GRXCR2: variants seen among roughly 807,000 people sequenced by gnomAD.
GRXCR2 encodes glutaredoxin domain-containing cysteine-rich protein 2.
A neutral mutation model predicts 24.8 loss-of-function variants in GRXCR2; 23 were observed. The observed-to-expected ratio is 0.93, with a 90% CI of 0.67 to 1.32. GRXCR2 has a LOEUF of 1.32. Ranked by LOEUF, GRXCR2 falls within the 40% of genes most tolerant of loss-of-function variation. The pLI is 0.00. For missense variants in GRXCR2, 315 were observed against 303.4 expected (o/e 1.04, Z -0.28); for synonymous variants, 130 against 116.1 (o/e 1.12, Z -0.77).
At chr5:145,901,551 G>A (rs1287062766) in intron 2 of GRXCR2, among the ~76,000 whole-genome samples, 1 of 152,162 alleles carries the variant, frequency 6.6e-6, no homozygotes, top group Non-Finnish European at 1.5e-5. Flanking sequence ...TATTCTAGTG[G>A]AGGGAAACAC....
At position 145,927,847 on chromosome 5, in the gene GRXCR2, C is replaced by G. The variant is rs11167919; in HGVS notation, c.-70+7854G>C. Among the ~76,000 whole-genome samples the G allele has an allele frequency of 8.6e-5, 13 of 151,788 alleles. 1 individual carries two copies. The South Asian group carries it at 1.0e-3, about 12-fold the overall frequency. ...CATTCAGGACATAGGCATGGGGAAG[C>G]ACTTCATGTCTAAAACACCAAAAGC... On this transcript the variant is annotated intron_variant, in intron 2 of 3. Coordinates refer to the GRXCR2 transcript ENST00000639411.
chr5:145,922,953 G>T (rs961564565), intron 2 of GRXCR2, among the ~76,000 whole-genome samples: 1 of 152,244 alleles, frequency 6.6e-6, no homozygotes, highest in East Asian at 1.9e-4. Context: ...TGCAAGCATT[G>T]CAGGTCCTTC....
chr5:145,926,660 G>A (rs181532530), intron 2 of GRXCR2, among the ~76,000 whole-genome samples: 1 of 152,284 alleles, frequency 6.6e-6, no homozygotes, highest in African/African-American at 2.4e-5. Context: ...GTCAGGTAGT[G>A]TGATGCCTCC....
At chr5:145,858,442 C>G (rs1359116199), downstream of GRXCR2, 1 of 151,804 alleles carries the variant, frequency 6.6e-6, no homozygotes, top group African/African-American at 2.4e-5. Context: ...CAGTTAAGGA[C>G]AGAAGCAAAG....
chr5:145,909,915 C>G (rs1007913084), intron 2 of GRXCR2, among the ~76,000 whole-genome samples: 1 of 152,166 alleles, frequency 6.6e-6, no homozygotes, highest in Non-Finnish European at 1.5e-5. Context: ...ATTCCTCTCT[C>G]CTGCACATTT....
intron 2 of GRXCR2, among the ~76,000 whole-genome samples, chr5:145,890,728 G>A (rs1295014009): frequency 1.3e-5 from 2 of 151,518 alleles, no homozygotes; most frequent in Non-Finnish European, 2.9e-5. Context: ...ATACAAAGCA[G>A]ACAACTAACA....
At chr5:145,915,857 C>A (rs1262942557) in intron 2 of GRXCR2, among the ~76,000 whole-genome samples, 1 of 152,158 alleles carries the variant, frequency 6.6e-6, no homozygotes, top group Non-Finnish European at 1.5e-5. Context: ...CTCTAAGAGT[C>A]AGCTCATGGG....
chr5:145,893,879 G>A (rs1452288890), intron 2 of GRXCR2, among the ~76,000 whole-genome samples: 1 of 152,114 alleles, frequency 6.6e-6, no homozygotes, highest in African/African-American at 2.4e-5. Flanking sequence ...CCACATAGTT[G>A]GAAGTAAAGC....
intron 2 of GRXCR2, among the ~76,000 whole-genome samples, chr5:145,898,031 T>C (rs963120715): frequency 6.6e-6 from 1 of 152,016 alleles, no homozygotes; most frequent in South Asian, 2.1e-4. Context: ...AAAAGTTTGC[T>C]TTTTGAAAGG....
At chr5:145,861,283 C>A (rs998106749) in intron 2 of GRXCR2, among the ~76,000 whole-genome samples, 1 of 152,162 alleles carries the variant, frequency 6.6e-6, no homozygotes, top group Admixed American at 6.5e-5. Flanking sequence ...AATCAGGAAA[C>A]CTTTTTAATG....
intron 2 of GRXCR2, among the ~76,000 whole-genome samples, chr5:145,922,744 C>T (rs192567073): frequency 4.2e-4 from 64 of 152,340 alleles, no homozygotes; most frequent in Non-Finnish European, 8.8e-4. Flanking sequence ...AGAAGCATTT[C>T]AAGGCTACAG....
intron 2 of GRXCR2, among the ~76,000 whole-genome samples, chr5:145,865,543 T>C (rs1361815197): frequency 6.6e-6 from 1 of 152,228 alleles, no homozygotes; most frequent in African/African-American, 2.4e-5. Flanking sequence ...AATAAACTTG[T>C]GGACACTGAC....
Position 145,872,994 on chromosome 5 carries a change from C to T in GRXCR2, c.-26G>A, listed in dbSNP as rs1756560154. Reference sequence around the variant, plus strand: ...CAGCAGAAAGTTGACCCTGTGGTCTCCAGCCTTCCGTGCAGCCGGTGAAAC... The same window carrying T: ...CAGCAGAAAGTTGACCCTGTGGTCTTCAGCCTTCCGTGCAGCCGGTGAAAC... On this transcript the variant is annotated 5_prime_UTR_variant, in exon 1 of 3. Coordinates refer to ENST00000377976, the MANE Select transcript of GRXCR2 (RefSeq NM_001080516.2). The T allele has an allele frequency of 6.2e-7, 1 of 1,600,736 alleles. No individual in the cohort carries two copies. Among genetic ancestry groups the T allele is most frequent in the Admixed American group, 1.7e-5 (1 of 59,572 alleles).
chr5:145,930,940 C>T lies in GRXCR2; in HGVS notation c.-70+4761G>A, dbSNP rs189911063. ...CAAGGAACAGAGGAAGAGAGTAATT[C>T]GCCTAAGTGATCTATCTGTCTATCT... On this transcript the variant is annotated intron_variant, in intron 2 of 3. Coordinates refer to the GRXCR2 transcript ENST00000639411. Among the ~76,000 whole-genome samples the T allele has an allele frequency of 3.3e-5, 5 of 152,324 alleles. No individual in the cohort carries two copies. The East Asian group carries it at 5.8e-4, about 18-fold the overall frequency.
intron 2 of GRXCR2, among the ~76,000 whole-genome samples, chr5:145,928,555 G>A (rs969405414): frequency 2.6e-5 from 4 of 152,106 alleles, no homozygotes; most frequent in African/African-American, 4.8e-5. Context: ...CATATACACT[G>A]TGGAATACTA....
chr5:145,866,310 C>T (rs1756433698), intron 2 of GRXCR2, among the ~76,000 whole-genome samples, 191 bp downstream of exon 2: 1 of 152,180 alleles, frequency 6.6e-6, no homozygotes, highest in Non-Finnish European at 1.5e-5. Context: ...GAAATATGGA[C>T]TTATAACTGC....
At chr5:145,909,745 G>A (rs989956938) in intron 2 of GRXCR2, among the ~76,000 whole-genome samples, 2 of 152,138 alleles carry the variant, frequency 1.3e-5, no homozygotes, top group African/African-American at 4.8e-5. Flanking sequence ...CCACCTGTCT[G>A]AGCCTTCTGA....
At chr5:145,885,121 GTCTGTC>G (rs1009910863) in intron 2 of GRXCR2, among the ~76,000 whole-genome samples, 3 of 128,570 alleles carry the variant, frequency 2.3e-5, no homozygotes, top group Admixed American at 8.6e-5. Flanking sequence ...GTGTGTGTGT[GTCTGTC>G]TGTCTGTCTG....
rs80117233 is a variant in GRXCR2 at position 145,909,840 on chromosome 5, G to T, written c.-70+25861C>A. On this transcript the variant is annotated intron_variant, in intron 2 of 3. Coordinates refer to the GRXCR2 transcript ENST00000639411. The stretch of plus-strand genomic sequence containing the variant: ...TCCATCAGAAAACAATCAAAAAGTT[G>T]GGATAAATATTGCTGATCTCTTGAT... Among the ~76,000 whole-genome samples, 950 of 152,176 alleles carry T rather than the reference G, an allele frequency of 6.2e-3. 8 individuals are homozygous for T. The highest frequency in any genetic ancestry group is 0.022 in the African/African-American group (910 of 41,508).
Sources: gnomAD v4.1 joint callset for allele counts (sites outside exome capture counted in the v4.1 genomes callset) on GRCh38, gnomAD v4.1.1 for gene constraint, MANE v1.5 for transcripts, NCBI Gene and HGNC (gene_info 2026-07-23, HGNC 2026-07-21) for gene names.